Variants in SLC24A3 observed in about 807,000 individuals in gnomAD.
The protein encoded by SLC24A3 is sodium/potassium/calcium exchanger 3.
In SLC24A3, 28 loss-of-function variants were observed where a neutral mutation model predicts 75.8. The ratio of observed to expected loss-of-function variants is 0.37; its 90% CI spans 0.27 to 0.51. The LOEUF (loss-of-function observed/expected upper bound fraction) is 0.51, where lower values mean the gene tolerates loss of function less well. SLC24A3 is among the 20% of genes least tolerant of loss of function. The pLI is 0.94. For synonymous variants in SLC24A3, 372 were observed against 334.1 expected, an observed-to-expected ratio of 1.11 and a Z score of -1.24; for missense variants, 663 against 847.8, an observed-to-expected ratio of 0.78 and a Z score of 2.71.
At chr20:19,325,754 A>C (rs780251605) in intron 2 of SLC24A3, among the ~76,000 whole-genome samples, 2 of 60,410 alleles carry the variant, frequency 3.3e-5, no homozygotes, top group Non-Finnish European at 2.9e-5. Context: ...GTGTGTGTGT[A>C]TACATACATA....
intron 2 of SLC24A3, among the ~76,000 whole-genome samples, chr20:19,320,364 G>A (rs1328866251): frequency 2.0e-5 from 3 of 152,126 alleles, no homozygotes; most frequent in South Asian, 2.1e-4. Flanking sequence ...TTAAGAGATT[G>A]ATGCTGAATT....
At chr20:19,221,182 T>C (rs1289697215) in intron 1 of SLC24A3, among the ~76,000 whole-genome samples, 2 of 152,172 alleles carry the variant, frequency 1.3e-5, no homozygotes, top group African/African-American at 2.4e-5. Context: ...CTCAGCCTCC[T>C]GAGTTGCTGG....
chr20:19,683,495 G>A (rs562321182), intron 10 of SLC24A3, among the ~76,000 whole-genome samples: 33 of 152,290 alleles, frequency 2.2e-4, no homozygotes, highest in African/African-American at 7.2e-4. Context: ...TTCTGACCTC[G>A]GTTCTCTGTA....
chr20:19,501,355 G>A (rs942285289), intron 2 of SLC24A3, among the ~76,000 whole-genome samples: 1 of 152,058 alleles, frequency 6.6e-6, no homozygotes, highest in Non-Finnish European at 1.5e-5. Context: ...TGTAATGGCC[G>A]GACTTGGTCA....
chr20:19,463,770 G>T (rs185530862), intron 2 of SLC24A3, among the ~76,000 whole-genome samples: 11 of 152,342 alleles, frequency 7.2e-5, no homozygotes, highest in African/African-American at 2.4e-4. Context: ...TGGAATCAGG[G>T]CTGAGAAAGC....
At chr20:19,595,913 T>G (rs1315436566) in intron 6 of SLC24A3, among the ~76,000 whole-genome samples, 2 of 152,090 alleles carry the variant, frequency 1.3e-5, no homozygotes, top group South Asian at 2.1e-4. Context: ...GAGAAGAAAC[T>G]TCCAGGTGGG....
chr20:19,545,476 G>T (rs1416842578), intron 3 of SLC24A3, among the ~76,000 whole-genome samples: 3 of 152,126 alleles, frequency 2.0e-5, no homozygotes, highest in Non-Finnish European at 4.4e-5. Context: ...CTTTTTTTCG[G>T]ACTCTTGCTC....
At chr20:19,636,992 G>A (rs1049203232) in intron 6 of SLC24A3, among the ~76,000 whole-genome samples, 2 of 152,226 alleles carry the variant, frequency 1.3e-5, no homozygotes, top group African/African-American at 2.4e-5. Context: ...GGCAGTAGGA[G>A]TAAGCAGTAA....
intron 6 of SLC24A3, among the ~76,000 whole-genome samples, chr20:19,602,475 G>C (rs1392248657): frequency 6.6e-6 from 1 of 152,064 alleles, no homozygotes; most frequent in African/African-American, 2.4e-5. Flanking sequence ...CCTTTACCCA[G>C]ACAGATGCCT....
intron 2 of SLC24A3, among the ~76,000 whole-genome samples, chr20:19,417,583 G>A (rs889044819): frequency 6.6e-6 from 1 of 152,086 alleles, no homozygotes; most frequent in African/African-American, 2.4e-5. Context: ...CAGAAATCAG[G>A]GTGCCAGATA....
intron 2 of SLC24A3, among the ~76,000 whole-genome samples, chr20:19,423,107 A>C (rs928710386): frequency 6.6e-6 from 1 of 152,232 alleles, no homozygotes; most frequent in Non-Finnish European, 1.5e-5. Flanking sequence ...GGGCAGACAC[A>C]CTGGCAGCTC....
chr20:19,266,484 T>C (rs1162129596), intron 1 of SLC24A3, among the ~76,000 whole-genome samples: 6 of 152,184 alleles, frequency 3.9e-5, no homozygotes, highest in African/African-American at 1.2e-4. Context: ...AAAGACTGAT[T>C]TCCTGCCCTG....
At chr20:19,287,582 G>T (rs968776041) in intron 2 of SLC24A3, among the ~76,000 whole-genome samples, 3 of 152,212 alleles carry the variant, frequency 2.0e-5, no homozygotes, top group African/African-American at 7.2e-5. Context: ...CCAAATTTAT[G>T]TCTGCCAAGG....
intron 3 of SLC24A3, among the ~76,000 whole-genome samples, chr20:19,526,607 C>T (rs985268354): frequency 1.3e-5 from 2 of 152,150 alleles, no homozygotes; most frequent in African/African-American, 2.4e-5. Flanking sequence ...TTGAGAGCAA[C>T]GTCCAGGTCA....
At chr20:19,431,421 C>T (rs1987101026) in intron 2 of SLC24A3, among the ~76,000 whole-genome samples, 1 of 152,044 alleles carries the variant, frequency 6.6e-6, no homozygotes, top group East Asian at 1.9e-4. Flanking sequence ...AGACAAGGTT[C>T]AGCAAGACCA....
chr20:19,392,292 A>G (rs921537950), intron 2 of SLC24A3, among the ~76,000 whole-genome samples: 4 of 152,204 alleles, frequency 2.6e-5, no homozygotes, highest in Non-Finnish European at 5.9e-5. Context: ...AAGGGTGGTC[A>G]CGGAGGGACA....
At chr20:19,704,852 G>C (rs74387199) in intron 15 of SLC24A3, among the ~76,000 whole-genome samples, 1,871 of 152,264 alleles carry the variant, frequency 0.012, 17 homozygotes, top group Middle Eastern at 0.034. Context: ...GGGCCACCAA[G>C]ACTGGTCACA....
At chr20:19,512,661 C>T (rs945902738) in intron 2 of SLC24A3, among the ~76,000 whole-genome samples, 21 of 152,244 alleles carry the variant, frequency 1.4e-4, no homozygotes, top group South Asian at 2.1e-4. Flanking sequence ...CCCTGGCCCT[C>T]AGTGGCCTCA....
intron 1 of SLC24A3, among the ~76,000 whole-genome samples, chr20:19,233,193 G>C (rs1455276506): frequency 6.6e-6 from 1 of 152,236 alleles, no homozygotes; most frequent in Non-Finnish European, 1.5e-5. Flanking sequence ...TGAGCAGTCC[G>C]GGGTGGGGAG....
Sources: allele counts gnomAD v4.1 joint callset (sites outside exome capture counted in the v4.1 genomes callset), GRCh38; gene constraint gnomAD v4.1.1; transcripts MANE v1.5; gene names NCBI Gene and HGNC (gene_info 2026-07-23, HGNC 2026-07-21).